The following USP13 variants were observed in gnomAD, a reference collection of about 807,000 sequenced individuals.
USP13 encodes the protein ubiquitin carboxyl-terminal hydrolase 13.
In USP13, 68 loss-of-function variants were observed where a neutral mutation model predicts 107.8. The ratio of observed to expected loss-of-function variants is 0.63; its 90% CI spans 0.52 to 0.77. The LOEUF is 0.77. Ranked by LOEUF, USP13 falls within the 30% of genes least tolerant of loss-of-function variation. The pLI is 0.00. For missense variants in USP13, 945 were observed against 1,093.3 expected, an observed-to-expected ratio of 0.86 and a Z score of 1.91; for synonymous variants, 377 against 389.5, an observed-to-expected ratio of 0.97 and a Z score of 0.38.
At position 179,653,630 on chromosome 3, in the gene USP13, T is replaced by G; in HGVS notation, c.168+237T>G. 3.8e-6 allele frequency: 2 copies of G among 529,634 alleles called. No homozygotes were observed. Among genetic ancestry groups the G allele is most frequent in the Admixed American group, 3.5e-5 (1 of 28,598 alleles). The allele number at this position is 529,634 out of a possible 1,614,324, so 32.8% of individuals were successfully genotyped here. ...GCCTCCCCAGGCTGGAAGGGCCCGA[T>G]TCCCAGCAGCTTGCACACAGCCCCG... On this transcript the variant is annotated intron_variant, in intron 1 of 20. Transcript: ENST00000263966. The surrounding 1 kb of genome is among the most constrained non-coding windows in gnomAD (Gnocchi z 4.0).
intron 3 of USP13, among the ~76,000 whole-genome samples, chr3:179,698,406 T>A (rs1437652625): frequency 2.0e-5 from 3 of 152,124 alleles, no homozygotes; most frequent in African/African-American, 7.2e-5. Context: ...AACAGTCTTG[T>A]GGGGTAGATA....
chr3:179,752,423 A>T, intron 14 of USP13, 50 bp downstream of exon 14: 1 of 1,396,976 alleles, frequency 7.2e-7, no homozygotes. Context: ...GAGCCATTTA[A>T]ACAACATGGC....
chr3:179,673,649 G>A (rs1720809606), intron 1 of USP13, among the ~76,000 whole-genome samples: 1 of 152,182 alleles, frequency 6.6e-6, no homozygotes, highest in Non-Finnish European at 1.5e-5. Context: ...TTCCTGGGCA[G>A]AGACTGGCAG....
intron 14 of USP13, 95 bp from the exon 15 acceptor site, chr3:179,754,637 C>A (rs112626253): frequency 2.9e-6 from 4 of 1,393,040 alleles, no homozygotes; most frequent in African/African-American, 3.0e-5. Flanking sequence ...CATCCCTTAG[C>A]TCTGTCTAGA....
chr3:179,684,276 C>CACAT (rs1553788859), intron 2 of USP13, among the ~76,000 whole-genome samples: 1 of 135,578 alleles, frequency 7.4e-6, no homozygotes, highest in Non-Finnish European at 1.6e-5. Context: ...CCTTTACACA[C>CACAT]ACACACACAC....
At chr3:179,717,883 T>C (rs1386069884) in intron 6 of USP13, among the ~76,000 whole-genome samples, 1 of 152,200 alleles carries the variant, frequency 6.6e-6, no homozygotes, top group Non-Finnish European at 1.5e-5. Context: ...AGGGTTGCTA[T>C]CCACAGTTAT....
intron 19 of USP13, among the ~76,000 whole-genome samples, chr3:179,774,556 C>T (rs1262222038): frequency 6.6e-6 from 1 of 151,788 alleles, no homozygotes; most frequent in Non-Finnish European, 1.5e-5. Context: ...GCTCATTCCT[C>T]CCTGTGGGTT....
chr3:179,738,593 TG>T (rs1714074318), intron 10 of USP13, among the ~76,000 whole-genome samples: 1 of 152,220 alleles, frequency 6.6e-6, no homozygotes, highest in Admixed American at 6.5e-5. Flanking sequence ...GTAGATGGGC[TG>T]AACTTGGAGG....
chr3:179,774,956 T>G (rs1715473826), intron 19 of USP13, among the ~76,000 whole-genome samples: 1 of 152,078 alleles, frequency 6.6e-6, no homozygotes, highest in Non-Finnish European at 1.5e-5. Context: ...TCCCACTAGA[T>G]TAACTAGACA....
At chr3:179,780,059 C>T (rs748628300) in intron 19 of USP13, among the ~76,000 whole-genome samples, 1 of 152,178 alleles carries the variant, frequency 6.6e-6, no homozygotes, top group Admixed American at 6.5e-5. Context: ...GATCAGCAAA[C>T]TAGGAATGGA....
At chr3:179,704,439 T>C (rs909134298) in intron 4 of USP13, among the ~76,000 whole-genome samples, 3 of 152,172 alleles carry the variant, frequency 2.0e-5, no homozygotes, top group Non-Finnish European at 4.4e-5. Flanking sequence ...ACAGCCTCCT[T>C]ACTGTGGTCT....
At chr3:179,719,363 T>C (rs1713223986) in intron 6 of USP13, among the ~76,000 whole-genome samples, 1 of 151,914 alleles carries the variant, frequency 6.6e-6, no homozygotes, top group Non-Finnish European at 1.5e-5. Context: ...GCTGGTTCTG[T>C]GAGATGTGGA....
At chr3:179,741,638 T>A (rs1293520125) in intron 11 of USP13, among the ~76,000 whole-genome samples, 1 of 152,208 alleles carries the variant, frequency 6.6e-6, no homozygotes, top group Non-Finnish European at 1.5e-5. Flanking sequence ...ATTACAGGCA[T>A]GAGCCACTGT....
intron 4 of USP13, among the ~76,000 whole-genome samples, chr3:179,705,925 G>A (rs564456570): frequency 2.6e-5 from 4 of 152,216 alleles, no homozygotes; most frequent in East Asian, 3.9e-4. Context: ...GTTTCACCAC[G>A]TTAGCCAGGC....
Position 179,765,133 on chromosome 3 carries a change from A to G in USP13, c.2260-562A>G, listed in dbSNP as rs566950370. 3.3e-5 allele frequency among the ~76,000 whole-genome samples: 5 copies of G among 152,372 alleles called. No individual in the cohort carries two copies. The South Asian group carries it at 8.3e-4, about 25-fold the overall frequency. On this transcript the variant is annotated intron_variant, in intron 18 of 20. Transcript: ENST00000263966. ...AATTAGTTTGAAGTACATGGAGTTC[A>G]GTTTAAACAATTATACTTAACTAAT...
intron 19 of USP13, among the ~76,000 whole-genome samples, chr3:179,774,513 G>A (rs1003930290): frequency 2.0e-5 from 3 of 152,042 alleles, no homozygotes; most frequent in Admixed American, 6.5e-5. Context: ...AAGGCAGCAC[G>A]TCTGGAGTTG....
Position 179,752,341 on chromosome 3 carries a change from C to T in USP13, c.1766C>T (p.Thr589Ile). The T allele has an allele frequency of 6.2e-7, 1 of 1,614,116 alleles. No individual in the cohort carries two copies. The highest frequency in any genetic ancestry group is 8.5e-7 in the Non-Finnish European group (1 of 1,179,990). The part of the protein sequence containing the change: ...EYLVVQIKKF[T>I]FGLDWVPKKF... The stretch of plus-strand genomic sequence containing the variant: ...TTGGTAGTGCAGATAAAGAAGTTCA[C>T]TTTTGGTCTTGACTGGGTTCCCAAA... The change falls in exon 14 of 21, where the codon ACT (threonine) becomes ATT (isoleucine). Residue 589 changes from threonine to isoleucine, a missense_variant. Coordinates refer to ENST00000263966, the MANE Select transcript of USP13 (RefSeq NM_003940.3).
chr3:179,700,777 C>G (rs1288827125), intron 3 of USP13, among the ~76,000 whole-genome samples: 2 of 152,276 alleles, frequency 1.3e-5, no homozygotes, highest in East Asian at 3.9e-4. Flanking sequence ...TATGAAATGG[C>G]TCAGTCTTCA....
chr3:179,754,995 C>G, intron 15 of USP13, 141 bp downstream of exon 15: 15 of 1,132,914 alleles, frequency 1.3e-5, no homozygotes, highest in Non-Finnish European at 1.8e-5. Flanking sequence ...AACCCACCAC[C>G]GACACAGGAG....
Sources: allele counts gnomAD v4.1 joint callset (sites outside exome capture counted in the v4.1 genomes callset), GRCh38; gene constraint gnomAD v4.1.1; non-coding constraint Gnocchi (gnomAD v3.1); transcripts MANE v1.5; gene names NCBI Gene and HGNC (gene_info 2026-07-23, HGNC 2026-07-21).